The following EYA1 variants were observed in gnomAD, a reference collection of about 807,000 sequenced individuals.
EYA1 encodes the protein protein phosphatase EYA1.
Under a neutral mutation model 82.0 loss-of-function variants are expected in EYA1, and 16 were observed. The ratio of observed to expected loss-of-function variants is 0.20; its 90% CI spans 0.13 to 0.30. The LOEUF is 0.30. Ranked by LOEUF, EYA1 falls within the 10% of genes least tolerant of loss-of-function variation. EYA1 has a pLI of 1.00. For synonymous variants in EYA1, 261 were observed against 264.4 expected (o/e 0.99, Z 0.12); for missense variants, 633 against 730.7 (o/e 0.87, Z 1.54).
At chr8:71,400,908 T>G (rs1400857891) in intron 2 of EYA1, among the ~76,000 whole-genome samples, 1 of 152,130 alleles carries the variant, frequency 6.6e-6, no homozygotes, top group East Asian at 1.9e-4. Context: ...AATGATAGAA[T>G]GGATAAAGGA....
chr8:71,453,070 C>T (rs1807528317), intron 2 of EYA1, among the ~76,000 whole-genome samples: 1 of 152,104 alleles, frequency 6.6e-6, no homozygotes, highest in South Asian at 2.1e-4. Flanking sequence ...TAAAGAAGTC[C>T]TTAAATGGCC....
chr8:71,527,341 A>G (rs919877815), intron 2 of EYA1, among the ~76,000 whole-genome samples: 13 of 152,198 alleles, frequency 8.5e-5, no homozygotes, highest in African/African-American at 3.1e-4. Context: ...AGACTTTATT[A>G]ACTTCAGTTA....
chr8:71,293,504 A>G (rs760555573), intron 9 of EYA1, among the ~76,000 whole-genome samples: 4 of 152,178 alleles, frequency 2.6e-5, no homozygotes, highest in Non-Finnish European at 5.9e-5. Context: ...AGAAACTAGA[A>G]TAATATTTCT....
intron 2 of EYA1, among the ~76,000 whole-genome samples, chr8:71,472,839 A>G: frequency 6.9e-6 from 1 of 145,442 alleles, no homozygotes; most frequent in East Asian, 2.3e-4. Context: ...ATGCATATAT[A>G]TTTATATTTA....
intron 2 of EYA1, among the ~76,000 whole-genome samples, chr8:71,498,670 A>G (rs961897857): frequency 4.6e-5 from 7 of 152,182 alleles, no homozygotes; most frequent in Non-Finnish European, 1.0e-4. Context: ...AACCATAGAT[A>G]TCAGGCAGGA....
intron 2 of EYA1, among the ~76,000 whole-genome samples, chr8:71,467,427 A>T (rs1008144667): frequency 6.6e-6 from 1 of 152,160 alleles, no homozygotes; most frequent in Non-Finnish European, 1.5e-5. Context: ...AGAAGGAACA[A>T]TAACAAAAAA....
At chr8:71,540,232 A>C (rs1307026746) in intron 1 of EYA1, among the ~76,000 whole-genome samples, 1 of 152,070 alleles carries the variant, frequency 6.6e-6, no homozygotes. Flanking sequence ...CTTAGAAAAG[A>C]AAAAAAATAT....
At chr8:71,339,045 A>G (rs1476610605) in intron 3 of EYA1, among the ~76,000 whole-genome samples, 2 of 152,124 alleles carry the variant, frequency 1.3e-5, no homozygotes, top group East Asian at 3.9e-4. Context: ...CCTTCATTCC[A>G]TATTGGTTAT....
chr8:71,395,723 G>T (rs1389594284), intron 2 of EYA1, among the ~76,000 whole-genome samples: 1 of 152,064 alleles, frequency 6.6e-6, no homozygotes, highest in East Asian at 1.9e-4. Flanking sequence ...TTGCATCGAT[G>T]TTCATCAGGG....
intron 2 of EYA1, among the ~76,000 whole-genome samples, chr8:71,507,708 T>C (rs1812299182): frequency 6.6e-6 from 1 of 152,222 alleles, no homozygotes; most frequent in South Asian, 2.1e-4. Flanking sequence ...TCCACTAATA[T>C]GGAATGACCT....
chr8:71,483,247 C>T (rs1323156572), intron 2 of EYA1, among the ~76,000 whole-genome samples: 1 of 152,184 alleles, frequency 6.6e-6, no homozygotes, highest in Non-Finnish European at 1.5e-5. Context: ...TGTTCTTCCT[C>T]GAGATAGCCA....
At chr8:71,282,940 T>TG (rs199538529) in intron 9 of EYA1, among the ~76,000 whole-genome samples, 1,369 of 97,234 alleles carry the variant, frequency 0.014, 25 homozygotes, top group African/African-American at 0.041. Flanking sequence ...ACCACCTTGT[T>TG]TTTTTTTTTT....
chr8:71,499,888 AGG>A, intron 2 of EYA1, among the ~76,000 whole-genome samples: 2 of 152,320 alleles, frequency 1.3e-5, no homozygotes, highest in Non-Finnish European at 2.9e-5. Flanking sequence ...AAACAGATAG[AGG>A]GATAATGTTG....
At chr8:71,227,717 G>T (rs1810724825) in intron 12 of EYA1, among the ~76,000 whole-genome samples, 1 of 151,814 alleles carries the variant, frequency 6.6e-6, no homozygotes, top group Non-Finnish European at 1.5e-5. Flanking sequence ...AAAATCATTT[G>T]CAACAAATAT....
intron 11 of EYA1, among the ~76,000 whole-genome samples, chr8:71,252,000 T>C (rs1189605607): frequency 4.6e-5 from 7 of 152,090 alleles, no homozygotes; most frequent in East Asian, 1.9e-4. Context: ...TGAAAATCTG[T>C]AATTGGGTTT....
chr8:71,321,858 G>T lies in EYA1; in HGVS notation c.294C>A (p.Leu98=). Residue 98 remains leucine (L), a synonymous_variant, in exon 6 of 18, where the codon CTC becomes CTA. Coordinates refer to ENST00000340726, the MANE Select transcript of EYA1 (RefSeq NM_000503.6). ...YPSNRPYPHI[L]PTPSSQTMAA... Reference sequence around the variant, plus strand: ...CCATAGTTTGTGAGGAAGGGGTAGGGAGAATATGTGGGTATGGTCTGCTAT... The same window carrying T: ...CCATAGTTTGTGAGGAAGGGGTAGGTAGAATATGTGGGTATGGTCTGCTAT... The T allele has an allele frequency of 6.2e-7, 1 of 1,614,228 alleles. No individual in the cohort carries two copies. The highest frequency in any genetic ancestry group is 8.5e-7 in the Non-Finnish European group (1 of 1,180,034).
chr8:71,203,911 T>C (rs1807397620), intron 17 of EYA1, among the ~76,000 whole-genome samples: 1 of 152,142 alleles, frequency 6.6e-6, no homozygotes, highest in Non-Finnish European at 1.5e-5. Flanking sequence ...CCCCAAATCA[T>C]GTCTGAGTGG....
chr8:71,288,353 T>C (rs1245971053), intron 9 of EYA1, among the ~76,000 whole-genome samples: 1 of 152,208 alleles, frequency 6.6e-6, no homozygotes, highest in African/African-American at 2.4e-5. Flanking sequence ...TGGGAGACAG[T>C]TGTGCTACCC....
intron 16 of EYA1, among the ~76,000 whole-genome samples, chr8:71,211,582 G>A (rs7818376): frequency 6.6e-6 from 1 of 152,048 alleles, no homozygotes; most frequent in African/African-American, 2.4e-5. Flanking sequence ...GTTTTGCAGT[G>A]GGACTTCTTT....
Sources: gnomAD v4.1 joint callset for allele counts (sites outside exome capture counted in the v4.1 genomes callset) on GRCh38, gnomAD v4.1.1 for gene constraint, MANE v1.5 for transcripts, NCBI Gene and HGNC (gene_info 2026-07-23, HGNC 2026-07-21) for gene names.